The following GRIK2 variants were observed in gnomAD, a reference collection of about 807,000 sequenced individuals.
The protein encoded by GRIK2 is glutamate receptor ionotropic, kainate 2.
A neutral mutation model predicts 100.3 loss-of-function variants in GRIK2; 32 were observed. That is an observed-to-expected ratio of 0.32 (90% confidence interval 0.24 to 0.43). GRIK2 has a LOEUF of 0.43. Among genes scored for constraint, GRIK2 ranks in the 20% least tolerant of loss-of-function variants. GRIK2 has a pLI of 1.00. For synonymous variants in GRIK2, 417 were observed against 389.4 expected (o/e 1.07, Z -0.83); for missense variants, 843 against 1,114.9 (o/e 0.76, Z 3.47).
chr6:101,869,873 A>C (rs1026208106), intron 11 of GRIK2, among the ~76,000 whole-genome samples: 3 of 151,814 alleles, frequency 2.0e-5, no homozygotes. Flanking sequence ...TTAGAGATCA[A>C]AGCTTTTTCT....
At chr6:101,475,078 T>A (rs933189652) in intron 2 of GRIK2, among the ~76,000 whole-genome samples, 2 of 151,856 alleles carry the variant, frequency 1.3e-5, no homozygotes, top group Non-Finnish European at 2.9e-5. Context: ...TATAGGAGAC[T>A]TCCCTTGAGG....
At chr6:101,794,280 A>G (rs1352487980) in intron 7 of GRIK2, among the ~76,000 whole-genome samples, 1 of 152,146 alleles carries the variant, frequency 6.6e-6, no homozygotes, top group Admixed American at 6.5e-5. Context: ...ATGGAAATGC[A>G]GAAATCACCC....
intron 14 of GRIK2, among the ~76,000 whole-genome samples, chr6:101,963,878 C>CCT (rs1238632602): frequency 6.6e-6 from 1 of 151,910 alleles, no homozygotes; most frequent in African/African-American, 2.4e-5. Flanking sequence ...CTTGAACTTG[C>CCT]CTACATTCTT....
chr6:102,042,873 C>G (rs2114459230), intron 15 of GRIK2, among the ~76,000 whole-genome samples: 1 of 151,698 alleles, frequency 6.6e-6, no homozygotes, highest in South Asian at 2.1e-4. Context: ...ATCTATTTCA[C>G]CAGTCACTTT....
chr6:101,907,716 ATTC>A (rs1788331560), intron 12 of GRIK2, among the ~76,000 whole-genome samples: 1 of 60,484 alleles, frequency 1.7e-5, no homozygotes, highest in African/African-American at 5.6e-5. Context: ...GTATTAGGTT[ATTC>A]TTTTTTATCT....
intron 11 of GRIK2, among the ~76,000 whole-genome samples, chr6:101,873,431 T>A (rs1247988914): frequency 6.6e-6 from 1 of 151,968 alleles, no homozygotes; most frequent in Non-Finnish European, 1.5e-5. Flanking sequence ...GAACTCATCC[T>A]TTTTTATGGC....
intron 12 of GRIK2, among the ~76,000 whole-genome samples, chr6:101,893,911 T>G (rs537563388): frequency 1.3e-5 from 2 of 151,666 alleles, no homozygotes; most frequent in Admixed American, 1.3e-4. Flanking sequence ...ATAATAATAC[T>G]TAAATCATCT....
intron 15 of GRIK2, among the ~76,000 whole-genome samples, chr6:102,053,442 T>A (rs1771306094): frequency 6.6e-6 from 1 of 152,116 alleles, no homozygotes; most frequent in African/African-American, 2.4e-5. Flanking sequence ...AGCACCATGT[T>A]ATTGCTCTTA....
chr6:101,907,490 A>G (rs1448386139), intron 12 of GRIK2, among the ~76,000 whole-genome samples: 1 of 151,748 alleles, frequency 6.6e-6, no homozygotes, highest in African/African-American at 2.4e-5. Context: ...TCCATATTTA[A>G]TCATAGAACT....
intron 4 of GRIK2, among the ~76,000 whole-genome samples, chr6:101,631,925 A>G (rs1287030729): frequency 6.6e-6 from 1 of 152,050 alleles, no homozygotes; most frequent in Non-Finnish European, 1.5e-5. Flanking sequence ...GAAGACTTAC[A>G]ATGCTTAGTG....
chr6:101,767,539 G>A (rs544327085), intron 7 of GRIK2, among the ~76,000 whole-genome samples: 1 of 152,182 alleles, frequency 6.6e-6, no homozygotes, highest in African/African-American at 2.4e-5. Context: ...TTAAAATAAT[G>A]AGGTATATCT....
intron 7 of GRIK2, among the ~76,000 whole-genome samples, chr6:101,749,826 T>G (rs1242799488): frequency 7.0e-6 from 1 of 141,946 alleles, no homozygotes; most frequent in African/African-American, 2.8e-5. Flanking sequence ...TTTTTTTTTT[T>G]GTGTGAGACA....
intron 2 of GRIK2, among the ~76,000 whole-genome samples, chr6:101,462,863 G>A (rs1469806627): frequency 1.3e-5 from 2 of 152,138 alleles, no homozygotes; most frequent in African/African-American, 4.8e-5. Flanking sequence ...AGGAGGGAAT[G>A]GATTTAGATG....
intron 2 of GRIK2, among the ~76,000 whole-genome samples, chr6:101,547,383 T>G (rs1324409483): frequency 6.6e-6 from 1 of 152,298 alleles, no homozygotes; most frequent in East Asian, 1.9e-4. Flanking sequence ...GTTTGTTACA[T>G]ATGTATACAT....
At chr6:101,710,939 G>A (rs550843275) in intron 7 of GRIK2, among the ~76,000 whole-genome samples, 4 of 151,704 alleles carry the variant, frequency 2.6e-5, no homozygotes, top group African/African-American at 7.2e-5. Context: ...TTTTATTTTG[G>A]TTGACTTTGG....
At chr6:101,459,740 T>C (rs927774098) in intron 2 of GRIK2, among the ~76,000 whole-genome samples, 1 of 152,128 alleles carries the variant, frequency 6.6e-6, no homozygotes. Context: ...CCTCATTTTA[T>C]TGTACTCTGC....
chr6:102,062,064 A>C (rs1771780495), intron 16 of GRIK2, among the ~76,000 whole-genome samples: 1 of 150,162 alleles, frequency 6.7e-6, no homozygotes, highest in Admixed American at 6.7e-5. Flanking sequence ...GAAATTTAAA[A>C]GTGTATAATG....
chr6:101,989,988 G>A (rs990450843), intron 14 of GRIK2, among the ~76,000 whole-genome samples: 2 of 151,636 alleles, frequency 1.3e-5, no homozygotes, highest in Admixed American at 6.6e-5. Flanking sequence ...TAGAGGAAAT[G>A]TGAGATTGGA....
intron 15 of GRIK2, among the ~76,000 whole-genome samples, chr6:102,048,897 G>A (rs1582786821): frequency 1.3e-5 from 2 of 151,904 alleles, no homozygotes; most frequent in South Asian, 4.2e-4. Flanking sequence ...CCTTTCGGAG[G>A]TGGCCAGAGA....
Sources: allele counts gnomAD v4.1 joint callset (sites outside exome capture counted in the v4.1 genomes callset), GRCh38; gene constraint gnomAD v4.1.1; transcripts MANE v1.5; gene names NCBI Gene and HGNC (gene_info 2026-07-23, HGNC 2026-07-21).